The following CDIN1 variants were observed in gnomAD, a reference collection of about 807,000 sequenced individuals.
CDIN1 encodes the protein CDAN1-interacting nuclease 1.
In CDIN1, 33 loss-of-function variants were observed where a neutral mutation model predicts 45.3. The observed-to-expected ratio is 0.73, with a 90% CI of 0.55 to 0.97. CDIN1 has a LOEUF of 0.97. Ranked by LOEUF, CDIN1 falls within the 50% of genes least tolerant of loss-of-function variation. CDIN1 has a pLI of 0.00. For missense variants in CDIN1, 303 were observed against 339.4 expected (o/e 0.89, Z 0.84); for synonymous variants, 118 against 124.4 (o/e 0.95, Z 0.34).
chr15:36,686,782 C>G (rs894063896), intron 5 of CDIN1, among the ~76,000 whole-genome samples: 15 of 127,364 alleles, frequency 1.2e-4, no homozygotes, highest in Non-Finnish European at 1.9e-4. Context: ...GGCAGAGGGA[C>G]AGAGGGACAG....
intron 10 of CDIN1, among the ~76,000 whole-genome samples, chr15:36,721,670 C>T (rs1004069494): frequency 1.3e-5 from 2 of 152,024 alleles, no homozygotes; most frequent in African/African-American, 4.8e-5. Flanking sequence ...TTAGGTCAAA[C>T]TGGTTGTTTG....
intron 10 of CDIN1, among the ~76,000 whole-genome samples, chr15:36,805,500 A>C (rs906542368): frequency 2.6e-5 from 4 of 152,194 alleles, no homozygotes; most frequent in South Asian, 2.1e-4. Context: ...TGCCACAGTA[A>C]ATAAGAATAG....
At chr15:36,589,310 GA>G (rs1169755712) in intron 1 of CDIN1, among the ~76,000 whole-genome samples, 1 of 152,110 alleles carries the variant, frequency 6.6e-6, no homozygotes, top group Non-Finnish European at 1.5e-5. Context: ...TCATATAGAA[GA>G]TAGGTAAAGA....
chr15:36,800,909 G>GTGTGTGTGTATATATATATATA (rs1156514805), intron 10 of CDIN1, among the ~76,000 whole-genome samples: 2 of 22,390 alleles, frequency 8.9e-5, no homozygotes, highest in Non-Finnish European at 1.2e-4. Flanking sequence ...GTGTGTGTGT[G>GTGTGTGTGTATATATATATATA]TATATATATA....
chr15:36,647,879 G>C (rs1439052330), intron 3 of CDIN1, among the ~76,000 whole-genome samples: 1 of 138,200 alleles, frequency 7.2e-6, no homozygotes, highest in East Asian at 2.1e-4. Context: ...TCACTCTGTC[G>C]CCCAGGCTGG....
chr15:36,662,572 A>ATACT (rs2041058294), intron 5 of CDIN1, among the ~76,000 whole-genome samples: 1 of 151,976 alleles, frequency 6.6e-6, no homozygotes, highest in Non-Finnish European at 1.5e-5. Context: ...GAAGGCATCC[A>ATACT]GTAGGTGTTT....
intron 5 of CDIN1, among the ~76,000 whole-genome samples, chr15:36,659,591 G>GT (rs939809384): frequency 6.8e-6 from 1 of 147,380 alleles, no homozygotes. Context: ...GTTAATGGTT[G>GT]TTTCACTGTG....
At position 36,600,729 on chromosome 15, in the gene CDIN1, C is replaced by G. The variant is rs570818938; in HGVS notation, c.101+20768C>G. The stretch of plus-strand genomic sequence containing the variant: ...TGGTGGCAGTGTGAAAATCCGTGGC[C>G]ACATGTCAAAGACATAAATTCTGGG... On this transcript the variant is annotated intron_variant, in intron 1 of 10. Transcript: ENST00000566621. Among the ~76,000 whole-genome samples, 4 of 152,180 alleles carry G rather than the reference C, an allele frequency of 2.6e-5. No homozygotes were observed. In the East Asian group the frequency reaches 7.7e-4, roughly 29 times the overall value.
At chr15:36,611,325 GCTACATA>G (rs1349174928) in intron 1 of CDIN1, among the ~76,000 whole-genome samples, 1 of 152,162 alleles carries the variant, frequency 6.6e-6, no homozygotes, top group African/African-American at 2.4e-5. Flanking sequence ...TGAGTCCTGT[GCTACATA>G]CTCTTTTGAG....
intron 4 of CDIN1, among the ~76,000 whole-genome samples, chr15:36,654,416 G>A (rs1209250983): frequency 6.9e-6 from 1 of 145,832 alleles, no homozygotes; most frequent in Non-Finnish European, 1.5e-5. Flanking sequence ...TTATTTTGTG[G>A]AAAATTTCAA....
At chr15:36,720,315 A>G (rs1275730326) in intron 10 of CDIN1, among the ~76,000 whole-genome samples, 1 of 151,252 alleles carries the variant, frequency 6.6e-6, no homozygotes. Context: ...TCTAGGGTAC[A>G]TGTGCACAAC....
At chr15:36,721,069 A>C (rs2043398989) in intron 10 of CDIN1, among the ~76,000 whole-genome samples, 1 of 150,970 alleles carries the variant, frequency 6.6e-6, no homozygotes, top group Admixed American at 6.6e-5. Context: ...GGCTGCATAA[A>C]TGTCTTCTTT....
At chr15:36,589,376 TG>T (rs1281699818) in intron 1 of CDIN1, among the ~76,000 whole-genome samples, 2 of 152,230 alleles carry the variant, frequency 1.3e-5, no homozygotes, top group Non-Finnish European at 2.9e-5. Context: ...TGTTTTCAAA[TG>T]TATACTTGAA....
chr15:36,597,388 A>G (rs1255986631), intron 1 of CDIN1, among the ~76,000 whole-genome samples: 1 of 152,134 alleles, frequency 6.6e-6, no homozygotes, highest in Non-Finnish European at 1.5e-5. Context: ...CTCTACCACC[A>G]TCCCAACTCT....
At chr15:36,682,877 A>T (rs2041907105) in intron 5 of CDIN1, among the ~76,000 whole-genome samples, 1 of 152,140 alleles carries the variant, frequency 6.6e-6, no homozygotes, top group African/African-American at 2.4e-5. Context: ...GTAGAGACTA[A>T]TTGGGAAATT....
chr15:36,679,085 C>A (rs1226020871), intron 5 of CDIN1, among the ~76,000 whole-genome samples: 2 of 140,924 alleles, frequency 1.4e-5, no homozygotes, highest in African/African-American at 5.4e-5. Flanking sequence ...CTAATACACA[C>A]AGAAGTAGAA....
chr15:36,596,254 C>T (rs1367911746), intron 1 of CDIN1, among the ~76,000 whole-genome samples: 2 of 151,688 alleles, frequency 1.3e-5, no homozygotes, highest in Non-Finnish European at 2.9e-5. Flanking sequence ...CTCACAAGCC[C>T]TCTCCCTAGG....
chr15:36,609,018 T>C (rs1160454847), intron 1 of CDIN1, among the ~76,000 whole-genome samples: 2 of 151,936 alleles, frequency 1.3e-5, no homozygotes, highest in African/African-American at 4.8e-5. Context: ...GATAGATAGA[T>C]AATTTTTTAA....
At chr15:36,620,682 A>AG (rs2039143465) in intron 1 of CDIN1, among the ~76,000 whole-genome samples, 1 of 152,228 alleles carries the variant, frequency 6.6e-6, no homozygotes, top group African/African-American at 2.4e-5. Flanking sequence ...CAAGATGGTA[A>AG]GGCGGACTGA....
Sources: allele counts gnomAD v4.1 joint callset (sites outside exome capture counted in the v4.1 genomes callset), GRCh38; gene constraint gnomAD v4.1.1; transcripts MANE v1.5; gene names NCBI Gene and HGNC (gene_info 2026-07-23, HGNC 2026-07-21).